CDC37L1: variants seen among roughly 807,000 people sequenced by gnomAD.
The protein encoded by CDC37L1 is hsp90 co-chaperone Cdc37-like 1.
CDC37L1 carries 32 observed loss-of-function variants against 45.9 expected under a neutral mutation model. The observed-to-expected ratio is 0.70, with a 90% CI of 0.53 to 0.94. The LOEUF (loss-of-function observed/expected upper bound fraction) is 0.94. Ranked by LOEUF, CDC37L1 falls within the 40% of genes least tolerant of loss-of-function variation. The pLI, the probability that CDC37L1 is intolerant of heterozygous loss-of-function variation, is 0.00. For synonymous variants in CDC37L1, 150 were observed against 133.0 expected (o/e 1.13, Z -0.88); for missense variants, 434 against 405.7 (o/e 1.07, Z -0.60).
intron 3 of CDC37L1, among the ~76,000 whole-genome samples, chr9:4,694,506 C>T (rs1228322503): frequency 1.3e-5 from 2 of 152,068 alleles, no homozygotes; most frequent in Non-Finnish European, 2.9e-5. Context: ...TAGTATTTCT[C>T]AGATTTAAAA....
intron 5 of CDC37L1, among the ~76,000 whole-genome samples, chr9:4,699,575 T>G (rs1402840848): frequency 6.6e-6 from 1 of 152,166 alleles, no homozygotes; most frequent in Non-Finnish European, 1.5e-5. Flanking sequence ...TTGTATTTTT[T>G]TATAAAGTAT....
intron 2 of CDC37L1, among the ~76,000 whole-genome samples, chr9:4,686,802 T>C (rs931325501): frequency 6.6e-6 from 1 of 152,208 alleles, no homozygotes; most frequent in African/African-American, 2.4e-5. Flanking sequence ...ACTAGCCACA[T>C]GTGCTATTGA....
At chr9:4,684,533 T>C (rs1211023160) in intron 1 of CDC37L1, among the ~76,000 whole-genome samples, 2 of 152,220 alleles carry the variant, frequency 1.3e-5, no homozygotes, top group Non-Finnish European at 1.5e-5. Context: ...ATTGAGGTGA[T>C]GAACTAGATT....
chr9:4,703,101 G>C (rs1489525087), intron 6 of CDC37L1: 1 of 1,543,874 alleles, frequency 6.5e-7, no homozygotes, highest in African/African-American at 1.4e-5. Flanking sequence ...AAGATTTTAA[G>C]ACCAGCTTTA....
intron 1 of CDC37L1, 79 bp downstream of exon 1, chr9:4,679,978 C>G: frequency 2.6e-6 from 4 of 1,544,474 alleles, no homozygotes; most frequent in East Asian, 2.3e-5. Flanking sequence ...CTCCCAGACC[C>G]TCTTCTACGC....
chr9:4,692,666 C>T (rs1332241164), intron 3 of CDC37L1, among the ~76,000 whole-genome samples: 1 of 152,150 alleles, frequency 6.6e-6, no homozygotes, highest in Non-Finnish European at 1.5e-5. Context: ...TTACAGCTAA[C>T]TTTTATTTTC....
chr9:4,701,295 A>C (rs1841393705), intron 5 of CDC37L1, among the ~76,000 whole-genome samples: 1 of 152,176 alleles, frequency 6.6e-6, no homozygotes, highest in Non-Finnish European at 1.5e-5. Context: ...TTCTTTCCAT[A>C]ATATTGAAAA....
intron 6 of CDC37L1, among the ~76,000 whole-genome samples, chr9:4,705,045 C>A (rs901356710): frequency 1.3e-5 from 2 of 152,136 alleles, no homozygotes; most frequent in Non-Finnish European, 2.9e-5. Context: ...AGCTTTTTGA[C>A]TTTTAGAATA....
chr9:4,683,530 G>A (rs1448773397), intron 1 of CDC37L1, among the ~76,000 whole-genome samples: 3 of 151,990 alleles, frequency 2.0e-5, no homozygotes, highest in Non-Finnish European at 2.9e-5. Flanking sequence ...GGAAAGGGAA[G>A]AATAAGCAAA....
chr9:4,694,509 A>G (rs1334014475), intron 3 of CDC37L1, among the ~76,000 whole-genome samples: 1 of 152,206 alleles, frequency 6.6e-6, no homozygotes, highest in Non-Finnish European at 1.5e-5. Flanking sequence ...TATTTCTCAG[A>G]TTTAAAAAAA....
chr9:4,696,103 G>A (rs1841345269), intron 3 of CDC37L1, among the ~76,000 whole-genome samples: 1 of 152,028 alleles, frequency 6.6e-6, no homozygotes, highest in African/African-American at 2.4e-5. Context: ...CTTTTTTTAA[G>A]TGAGGAGAAA....
intron 6 of CDC37L1, among the ~76,000 whole-genome samples, chr9:4,705,795 TTTTATCA>T (rs1418417910): frequency 2.6e-5 from 4 of 152,200 alleles, no homozygotes; most frequent in Admixed American, 2.6e-4. Flanking sequence ...TGTATCATTC[TTTTATCA>T]CATCTCATAG....
In CDC37L1 at chr9:4,679,815, C is replaced by T; in HGVS notation, c.48C>T (p.Ala16=). The T allele has an allele frequency of 6.2e-7, 1 of 1,613,832 alleles. No homozygotes were observed. Among genetic ancestry groups the T allele is most frequent in the Non-Finnish European group, 8.5e-7 (1 of 1,179,914 alleles). ...PPPGPWSLPR[A]EGEAEEESDF... is the part of the protein sequence containing the mutation. ...CGGGACCCTGGAGCCTCCCTCGGGC[C>T]GAGGGTGAGGCTGAGGAAGAGAGTG... is the stretch of plus-strand genomic sequence containing the variant. The change falls in exon 1 of 7, where the codon GCC becomes GCT. Residue 16 remains alanine (A), a synonymous_variant. Transcript: ENST00000381854.
At chr9:4,690,492 AG>A (rs1481376474) in intron 3 of CDC37L1, among the ~76,000 whole-genome samples, 1 of 152,030 alleles carries the variant, frequency 6.6e-6, no homozygotes, top group Admixed American at 6.6e-5. Flanking sequence ...AACATCCTTG[AG>A]GGGAGAGTCT....
At chr9:4,698,768 A>G (rs1004328293) in intron 5 of CDC37L1, among the ~76,000 whole-genome samples, 2 of 152,162 alleles carry the variant, frequency 1.3e-5, no homozygotes, top group African/African-American at 4.8e-5. Flanking sequence ...TCATAATAAT[A>G]CCAAGATGTT....
At chr9:4,692,659 C>T (rs1229501753) in intron 3 of CDC37L1, among the ~76,000 whole-genome samples, 1 of 152,186 alleles carries the variant, frequency 6.6e-6, no homozygotes, top group Non-Finnish European at 1.5e-5. Flanking sequence ...GGTAGAATTA[C>T]AGCTAACTTT....
chr9:4,692,948 G>C (rs1477510203), intron 3 of CDC37L1, among the ~76,000 whole-genome samples: 1 of 152,078 alleles, frequency 6.6e-6, no homozygotes, highest in Non-Finnish European at 1.5e-5. Context: ...GACAAGTATG[G>C]GTTTGGTTTC....
chr9:4,706,027 A>T lies in CDC37L1; in HGVS notation c.929A>T (p.Gln310Leu). Reference protein sequence around the residue: ...ESLPQNPDYLQYSISTALCSL... With the variant: ...ESLPQNPDYLLYSISTALCSL... ...TTTCCCCAGAATCCAGATTATCTTC[A>T]GTATTCTATCAGTACAGCTCTCTGC... Residue 310 changes from glutamine (Q) to leucine (L), a missense_variant, in exon 7 of 7, where the codon CAG becomes CTG. Coordinates refer to ENST00000381854, the MANE Select transcript of CDC37L1 (RefSeq NM_017913.4). The T allele has an allele frequency of 6.4e-7, 1 of 1,570,278 alleles. No homozygotes were observed. Among genetic ancestry groups the T allele is most frequent in the Non-Finnish European group, 8.8e-7 (1 of 1,142,844 alleles).
At chr9:4,702,172 A>G (rs907977220) in intron 6 of CDC37L1, 144 bp downstream of exon 6, 3 of 456,964 alleles carry the variant, frequency 6.6e-6, no homozygotes, top group Non-Finnish European at 1.1e-5. Flanking sequence ...ATCTTACTTC[A>G]TGCCATGTTT....
Sources: allele counts gnomAD v4.1 joint callset (sites outside exome capture counted in the v4.1 genomes callset), GRCh38; gene constraint gnomAD v4.1.1; transcripts MANE v1.5; gene names NCBI Gene and HGNC (gene_info 2026-07-23, HGNC 2026-07-21).